Variants in AKT3 observed in about 807,000 individuals in gnomAD.
AKT3 encodes RAC-gamma serine/threonine-protein kinase.
A neutral mutation model predicts 65.3 loss-of-function variants in AKT3; 15 were observed. That is an observed-to-expected ratio of 0.23 (90% CI 0.15 to 0.35). The LOEUF (loss-of-function observed/expected upper bound fraction) is 0.35, where lower values mean the gene tolerates loss of function less well. Ranked by LOEUF, AKT3 falls within the 10% of genes least tolerant of loss-of-function variation. The probability of loss-of-function intolerance (pLI) is 1.00; values close to 1 mark genes in which losing one functional copy is unlikely to be tolerated. For missense variants in AKT3, 243 were observed against 576.5 expected, an observed-to-expected ratio of 0.42 and a Z score of 5.92; for synonymous variants, 206 against 183.8, an observed-to-expected ratio of 1.12 and a Z score of -0.98.
chr1:243,495,608 T>A (rs1363990568), downstream of AKT3, among the ~76,000 whole-genome samples: 1 of 152,150 alleles, frequency 6.6e-6, no homozygotes, highest in Non-Finnish European at 1.5e-5. Context: ...AGTGAGAACT[T>A]CAGTCGCTGT....
chr1:243,692,795 TAA>T (rs572744015), intron 3 of AKT3, among the ~76,000 whole-genome samples: 100 of 152,100 alleles, frequency 6.6e-4, no homozygotes, highest in Non-Finnish European at 1.2e-3. Flanking sequence ...CATTGTCACA[TAA>T]AAGTTTTATT....
chr1:243,791,064 A>G (rs1407090154), intron 2 of AKT3, among the ~76,000 whole-genome samples: 3 of 152,212 alleles, frequency 2.0e-5, no homozygotes, highest in African/African-American at 7.2e-5. Flanking sequence ...GAAAAATGGC[A>G]CTGATAGACT....
chr1:243,588,145 AGGTAGAT>A (rs1675936556), intron 8 of AKT3, among the ~76,000 whole-genome samples: 1 of 152,212 alleles, frequency 6.6e-6, no homozygotes. Context: ...GAGGATGATG[AGGTAGAT>A]GGCATTTGCA....
intron 11 of AKT3, among the ~76,000 whole-genome samples, chr1:243,545,885 C>T (rs1672632699): frequency 6.6e-6 from 1 of 152,188 alleles, no homozygotes; most frequent in Admixed American, 6.5e-5. Flanking sequence ...AGAAAAGAGG[C>T]TTAACCTCAG....
chr1:243,784,140 C>G (rs1208304280), intron 2 of AKT3, among the ~76,000 whole-genome samples: 1 of 152,074 alleles, frequency 6.6e-6, no homozygotes, highest in Non-Finnish European at 1.5e-5. Context: ...AGAAAAGATA[C>G]TTTAGATTGG....
At chr1:243,748,026 T>C (rs1688584362) in intron 2 of AKT3, among the ~76,000 whole-genome samples, 1 of 152,204 alleles carries the variant, frequency 6.6e-6, no homozygotes, top group Non-Finnish European at 1.5e-5. Flanking sequence ...CAATGCTGTA[T>C]AATCTCACAT....
chr1:243,626,512 C>A (rs1302175303), intron 6 of AKT3, among the ~76,000 whole-genome samples: 2 of 152,184 alleles, frequency 1.3e-5, no homozygotes, highest in Non-Finnish European at 2.9e-5. Context: ...CAGTTCAAAT[C>A]ATCAGAGGTG....
chr1:243,691,863 A>G (rs529833089), intron 3 of AKT3, among the ~76,000 whole-genome samples: 2 of 152,314 alleles, frequency 1.3e-5, no homozygotes, highest in South Asian at 4.1e-4. Context: ...TGAAACCCCA[A>G]AAGTCAACGT....
intron 3 of AKT3, among the ~76,000 whole-genome samples, chr1:243,695,023 A>T (rs1008002782): frequency 2.6e-5 from 4 of 151,558 alleles, no homozygotes; most frequent in African/African-American, 9.7e-5. Flanking sequence ...AATAATAATC[A>T]TTGTCATTAT....
intron 6 of AKT3, among the ~76,000 whole-genome samples, chr1:243,625,960 T>TC (rs2148631445): frequency 1.3e-5 from 2 of 152,268 alleles, no homozygotes; most frequent in South Asian, 4.1e-4. Context: ...AAATGGTCCT[T>TC]CCCCTCCTTT....
At chr1:243,828,473 G>A (rs1694308789) in intron 2 of AKT3, among the ~76,000 whole-genome samples, 1 of 152,064 alleles carries the variant, frequency 6.6e-6, no homozygotes, top group African/African-American at 2.4e-5. Context: ...TTAACTGAAT[G>A]ACTCCACTTG....
At chr1:243,766,205 G>C (rs887469735) in intron 2 of AKT3, among the ~76,000 whole-genome samples, 3 of 152,070 alleles carry the variant, frequency 2.0e-5, no homozygotes, top group Non-Finnish European at 4.4e-5. Flanking sequence ...TAAATAATTT[G>C]TATTACATAT....
At chr1:243,769,389 C>T (rs1184788145) in intron 2 of AKT3, among the ~76,000 whole-genome samples, 1 of 152,166 alleles carries the variant, frequency 6.6e-6, no homozygotes, top group Non-Finnish European at 1.5e-5. Context: ...CTGCTGTTTT[C>T]CAAAGCAGCT....
chr1:243,711,402 A>G (rs960410836), intron 2 of AKT3, among the ~76,000 whole-genome samples: 3 of 152,122 alleles, frequency 2.0e-5, no homozygotes, highest in Non-Finnish European at 4.4e-5. Flanking sequence ...CATCCGAAAT[A>G]CTTTTATCCA....
At chr1:243,834,600 A>G (rs1414464166) in intron 2 of AKT3, among the ~76,000 whole-genome samples, 2 of 152,046 alleles carry the variant, frequency 1.3e-5, no homozygotes, top group African/African-American at 2.4e-5. Flanking sequence ...GGTGGGAGAA[A>G]GGTGAGGATC....
Position 243,505,236 on chromosome 1 carries a change from G to T in AKT3, c.*13C>A. 1 of 1,606,248 alleles carries T rather than the reference G, an allele frequency of 6.2e-7. No homozygotes were observed. Among genetic ancestry groups the T allele is most frequent in the Non-Finnish European group, 8.5e-7 (1 of 1,172,868 alleles). On this transcript the variant is annotated 3_prime_UTR_variant, in exon 14 of 14. Coordinates refer to ENST00000673466, the MANE Select transcript of AKT3 (RefSeq NM_005465.7). ...AATTGAAGATGACAGTGAAGTAGCA[G>T]AATGAAAGAGACTTATTCTCGTCCA...
intron 10 of AKT3, 105 bp from the exon 11 acceptor site, chr1:243,553,048 G>A: frequency 1.1e-6 from 1 of 878,152 alleles, no homozygotes; most frequent in Non-Finnish European, 1.7e-6. Context: ...AACTTTCAAA[G>A]CCTAGGTAGT....
intron 2 of AKT3, among the ~76,000 whole-genome samples, chr1:243,742,117 C>T (rs1688196532): frequency 1.4e-5 from 2 of 146,504 alleles, no homozygotes; most frequent in East Asian, 2.0e-4. Flanking sequence ...GCAAATGTTA[C>T]ACCATTGTAT....
intron 8 of AKT3, among the ~76,000 whole-genome samples, chr1:243,601,783 T>C (rs942564293): frequency 8.5e-5 from 13 of 152,220 alleles, no homozygotes; most frequent in African/African-American, 2.9e-4. Context: ...AAAAGTATTA[T>C]GCTAAGTGAA....
Sources: allele counts gnomAD v4.1 joint callset (sites outside exome capture counted in the v4.1 genomes callset), GRCh38; gene constraint gnomAD v4.1.1; transcripts MANE v1.5; gene names NCBI Gene and HGNC (gene_info 2026-07-23, HGNC 2026-07-21).